The following ADAMTS12 variants were observed in gnomAD, a reference collection of about 807,000 sequenced individuals.
The protein encoded by ADAMTS12 is ADAM metallopeptidase with thrombospondin type 1 motif 12.
ADAMTS12 carries 118 observed loss-of-function variants against 167.8 expected under a neutral mutation model. The observed-to-expected ratio is 0.70, with a 90% CI of 0.61 to 0.82. ADAMTS12 has a LOEUF of 0.82. Ranked by LOEUF, ADAMTS12 falls within the 40% of genes least tolerant of loss-of-function variation. The pLI, the probability that ADAMTS12 is intolerant of heterozygous loss-of-function variation, is 0.00. For missense variants in ADAMTS12, 1,916 were observed against 1,998.8 expected, an observed-to-expected ratio of 0.96 and a Z score of 0.79; for synonymous variants, 704 against 716.9, an observed-to-expected ratio of 0.98 and a Z score of 0.29.
chr5:33,596,020 G>T lies in ADAMTS12; in HGVS notation c.2568C>A (p.Arg856=), dbSNP rs562347214. ...RQTAHCIKKG[R]GMVKATFCDP... is the part of the protein sequence containing the mutation. ...CACAGAATGTAGCTTTCACCATCCCGCGGCCCTTCTTTATGCAATGGGCAG... is the reference window on the plus strand; with the variant it reads ...CACAGAATGTAGCTTTCACCATCCCTCGGCCCTTCTTTATGCAATGGGCAG... Residue 856 remains arginine (R), a synonymous_variant, in exon 17 of 24, where the codon CGC becomes CGA. Coordinates refer to ENST00000504830, the MANE Select transcript of ADAMTS12 (RefSeq NM_030955.4). 1 of 1,614,030 alleles carries T rather than the reference G, an allele frequency of 6.2e-7. No individual in the cohort carries two copies.
intron 16 of ADAMTS12, among the ~76,000 whole-genome samples, chr5:33,609,697 G>A (rs190398205): frequency 3.0e-4 from 46 of 152,236 alleles, no homozygotes; most frequent in African/African-American, 1.1e-3. Flanking sequence ...AAGTTTAAAA[G>A]ACAAGGCAAA....
rs373358790 is a variant in ADAMTS12 at position 33,652,349 on chromosome 5, T to G, written c.1191-2652A>C. 2.8e-4 allele frequency among the ~76,000 whole-genome samples: 43 copies of G among 152,316 alleles called. 1 individual carries two copies. In the South Asian group the frequency reaches 8.9e-3, roughly 32 times the overall value. ...TGATTGGTGTGAGATAATACCTCAC[T>G]GTGGTTTTAATTTGCATCTCTCTGA... On this transcript the variant is annotated intron_variant, in intron 7 of 23. Coordinates refer to ENST00000504830, the MANE Select transcript of ADAMTS12 (RefSeq NM_030955.4).
intron 16 of ADAMTS12, among the ~76,000 whole-genome samples, chr5:33,613,793 T>C (rs1032247490): frequency 2.0e-5 from 3 of 152,184 alleles, no homozygotes; most frequent in Non-Finnish European, 2.9e-5. Context: ...CTCTGCTATA[T>C]GTATAAAAAT....
Position 33,524,093 on chromosome 5 carries a change from A to G in ADAMTS12, c.*3095T>C, listed in dbSNP as rs1743699278. The G allele has an allele frequency of 6.6e-6, 1 of 152,346 alleles. No homozygotes were observed. Among genetic ancestry groups the G allele is most frequent in the South Asian group, 2.1e-4 (1 of 4,824 alleles). 9.4% of individuals were successfully genotyped at this position (152,346 alleles called of 1,614,324 possible). On this transcript the variant is annotated 3_prime_UTR_variant, in exon 24 of 24. Transcript: ENST00000504830. ...TGGATGAAGGTTATCAGAAACATTC[A>G]CTGACTATCTGAAAGCATCACAGTG... is the stretch of plus-strand genomic sequence containing the variant.
intron 7 of ADAMTS12, among the ~76,000 whole-genome samples, chr5:33,652,926 G>A (rs2112199515): frequency 6.6e-6 from 1 of 152,106 alleles, no homozygotes; most frequent in East Asian, 1.9e-4. Flanking sequence ...TTCTCTCATT[G>A]TATATGGGGT....
At chr5:33,824,409 T>C (rs780833277) in intron 2 of ADAMTS12, among the ~76,000 whole-genome samples, 2 of 152,182 alleles carry the variant, frequency 1.3e-5, no homozygotes, top group Non-Finnish European at 2.9e-5. Flanking sequence ...GATCATTTGG[T>C]CAGTTCATTT....
chr5:33,548,756 C>G (rs1381161671), intron 21 of ADAMTS12, among the ~76,000 whole-genome samples: 1 of 151,478 alleles, frequency 6.6e-6, no homozygotes, highest in Non-Finnish European at 1.5e-5. Flanking sequence ...GATCTGAGAG[C>G]TGTAAGAGAT....
intron 10 of ADAMTS12, 87 bp downstream of exon 10, chr5:33,643,291 G>C: frequency 7.4e-7 from 1 of 1,342,630 alleles, no homozygotes; most frequent in South Asian, 1.2e-5. Context: ...CCCTTAGAGA[G>C]AGTTGCCCTC....
At chr5:33,786,382 T>C (rs1746323839) in intron 2 of ADAMTS12, among the ~76,000 whole-genome samples, 1 of 152,042 alleles carries the variant, frequency 6.6e-6, no homozygotes, top group South Asian at 2.1e-4. Context: ...TTTAATGGTT[T>C]TCCAACAAGG....
chr5:33,710,108 A>G (rs1186317864), intron 3 of ADAMTS12, among the ~76,000 whole-genome samples: 1 of 152,174 alleles, frequency 6.6e-6, no homozygotes, highest in African/African-American at 2.4e-5. Context: ...TGACCCAAAG[A>G]TATGCTAGGT....
intron 2 of ADAMTS12, among the ~76,000 whole-genome samples, chr5:33,797,359 A>T (rs1262640746): frequency 6.6e-6 from 1 of 152,116 alleles, no homozygotes; most frequent in East Asian, 1.9e-4. Context: ...TATAAGAAAT[A>T]GGGAAGTTAG....
intron 19 of ADAMTS12, among the ~76,000 whole-genome samples, chr5:33,565,608 T>C (rs1360448268): frequency 2.6e-5 from 4 of 152,142 alleles, no homozygotes; most frequent in African/African-American, 9.7e-5. Context: ...AATATTCTTT[T>C]TCTAGCCAAA....
chr5:33,654,884 G>GTGTA (rs1472711022), intron 7 of ADAMTS12, among the ~76,000 whole-genome samples: 2 of 150,892 alleles, frequency 1.3e-5, no homozygotes, highest in Non-Finnish European at 3.0e-5. Flanking sequence ...TTGTGTGTGT[G>GTGTA]TGTGTGTGTG....
rs539502131 is a variant in ADAMTS12 at position 33,660,829 on chromosome 5, G to T, written c.1040+1087C>A. On this transcript the variant is annotated intron_variant, in intron 6 of 23. Coordinates refer to ENST00000504830, the MANE Select transcript of ADAMTS12 (RefSeq NM_030955.4). The stretch of plus-strand genomic sequence containing the variant: ...GGCTTATGTCAAAAACTTCCTGTGG[G>T]ATACATTCACATTTAACCAGCGTTT... 2.0e-4 allele frequency among the ~76,000 whole-genome samples: 31 copies of T among 152,274 alleles called. No individual in the cohort carries two copies. In the South Asian group the frequency reaches 6.0e-3, roughly 30 times the overall value.
chr5:33,767,650 T>C (rs191143223), intron 2 of ADAMTS12, among the ~76,000 whole-genome samples: 68 of 152,320 alleles, frequency 4.5e-4, no homozygotes, highest in African/African-American at 1.5e-3. Flanking sequence ...ATGATTTTAA[T>C]TGAAGTTTTA....
chr5:33,588,602 A>G lies in ADAMTS12; in HGVS notation c.2862T>C (p.Ser954=), dbSNP rs1160323356. ...CCCCGCCGAGCCCTGAGCTCACCTC[A>G]CTCCAGTTGCCCACTGTCCAGTCCG... ...CPSDWTVGNW[S]ECSVSCGGGV... Residue 954 remains serine, a synonymous_variant, in exon 18 of 24, where the codon AGT becomes AGC. Transcript: ENST00000504830. 6 of 1,613,678 alleles carry G rather than the reference A, an allele frequency of 3.7e-6. No homozygotes were observed. Among genetic ancestry groups the G allele is most frequent in the African/African-American group, 2.7e-5 (2 of 74,790 alleles).
chr5:33,535,223 C>T (rs1421991075), intron 22 of ADAMTS12, among the ~76,000 whole-genome samples: 1 of 152,210 alleles, frequency 6.6e-6, no homozygotes, highest in Non-Finnish European at 1.5e-5. Flanking sequence ...CTATTAGGTT[C>T]TCTGCAGAAC....
chr5:33,870,883 T>C (rs533981171), intron 2 of ADAMTS12, among the ~76,000 whole-genome samples: 2 of 152,354 alleles, frequency 1.3e-5, no homozygotes, highest in South Asian at 4.1e-4. Context: ...TCTGTCACGA[T>C]TGTAAGTTTT....
intron 2 of ADAMTS12, among the ~76,000 whole-genome samples, chr5:33,752,918 C>G (rs1412601855): frequency 6.6e-6 from 1 of 152,236 alleles, no homozygotes; most frequent in Non-Finnish European, 1.5e-5. Context: ...GTTTGCTTCA[C>G]TGTAGCCAGT....
Sources: gnomAD v4.1 joint callset for allele counts (sites outside exome capture counted in the v4.1 genomes callset) on GRCh38, gnomAD v4.1.1 for gene constraint, MANE v1.5 for transcripts, NCBI Gene and HGNC (gene_info 2026-07-23, HGNC 2026-07-21) for gene names.